ELP6: variants seen among roughly 807,000 people sequenced by gnomAD.
The protein encoded by ELP6 is elongator acetyltransferase complex subunit 6, also known as elongator complex protein 6.
ELP6 carries 23 observed loss-of-function variants against 28.1 expected under a neutral mutation model. That is an observed-to-expected ratio of 0.82 (90% CI 0.59 to 1.16). The LOEUF (loss-of-function observed/expected upper bound fraction) is 1.16, where lower values mean the gene tolerates loss of function less well. Among genes scored for constraint, ELP6 ranks in the 50% most tolerant of loss-of-function variants. ELP6 has a pLI of 0.00. For missense variants in ELP6, 313 were observed against 334.6 expected (o/e 0.94, Z 0.50); for synonymous variants, 132 against 135.8 (o/e 0.97, Z 0.19).
chr3:47,504,390 T>G lies in ELP6; in HGVS notation c.263A>C (p.Lys88Thr). 1 of 1,610,454 alleles carries G rather than the reference T, an allele frequency of 6.2e-7. No individual in the cohort carries two copies. Among genetic ancestry groups the G allele is most frequent in the Non-Finnish European group, 8.5e-7 (1 of 1,178,128 alleles). The part of the protein sequence containing the change: ...RGQLVFLEGL[K>T]SAVDVVFQAQ... ...CTGGAAGACGACGTCCACTGCAGAC[T>G]TGAGTCCCTCAAGGAACACAAGCTG... The change falls in exon 4 of 7, where the codon AAG (lysine) becomes ACG (threonine). Residue 88 changes from lysine (K) to threonine (T), a missense_variant. Transcript: ENST00000296149.
rs555351887 is a variant in ELP6 at position 47,506,247 on chromosome 3, C to T, written c.205-1799G>A. 3.9e-5 allele frequency among the ~76,000 whole-genome samples: 6 copies of T among 152,180 alleles called. No individual in the cohort carries two copies. The East Asian group carries it at 7.7e-4, about 20-fold the overall frequency. ...TATCACAAGGCAAATGGAGGCAGGG[C>T]GAGATCACAGGACTGCAGGACCGGG... is the stretch of plus-strand genomic sequence containing the variant. On this transcript the variant is annotated intron_variant, in intron 3 of 6. Transcript: ENST00000296149.
At position 47,499,815 on chromosome 3, in the gene ELP6, GT is replaced by G. The variant is rs1396645292; in HGVS notation, c.526-1384del. On this transcript the variant is annotated intron_variant, in intron 5 of 6. Coordinates refer to ENST00000296149, the MANE Select transcript of ELP6 (RefSeq NM_001031703.3). Reference sequence around the variant, plus strand: ...GTTGGGGTTCTGTCCCTGCTGGGCTGTGGCCCCAGCTGGACTGCTGCCACAG... The same window carrying G: ...GTTGGGGTTCTGTCCCTGCTGGGCTGGGCCCCAGCTGGACTGCTGCCACAG... 3 of 1,126,856 alleles carry G rather than the reference GT, an allele frequency of 2.7e-6. No homozygotes were observed. The African/African-American group carries it at 5.0e-5, about 19-fold the overall frequency. The allele number at this position is 1,126,856 out of a possible 1,614,324, so 69.8% of individuals were successfully genotyped here.
chr3:47,498,213 G>T (rs778217336), intron 6 of ELP6, 73 bp downstream of exon 6: 4 of 1,580,076 alleles, frequency 2.5e-6, no homozygotes, highest in Non-Finnish European at 3.4e-6. Flanking sequence ...CCTCAGGCCT[G>T]ACTCTCCCCT....
rs1251390128 is a variant in ELP6 at position 47,511,244 on chromosome 3, C to CTTGTA, written c.55-19_55-18insTACAA. The CTTGTA allele has an allele frequency of 6.2e-7, 1 of 1,613,036 alleles. No homozygotes were observed. Among genetic ancestry groups the CTTGTA allele is most frequent in the Non-Finnish European group, 8.5e-7 (1 of 1,179,474 alleles). On this transcript the variant is annotated intron_variant, in intron 1 of 6. Coordinates refer to ENST00000296149, the MANE Select transcript of ELP6 (RefSeq NM_001031703.3). ...AGTTTCCCCTAAAAGTTACAAGGAA[C>CTTGTA]ACAAAAAGGTTAGACTCCCTGGAAA... is the stretch of plus-strand genomic sequence containing the variant.
chr3:47,510,339 G>A, intron 2 of ELP6, 85 bp from the exon 3 acceptor site: 7 of 1,169,732 alleles, frequency 6.0e-6, no homozygotes, highest in Non-Finnish European at 8.6e-6. Flanking sequence ...AAAAAGCACT[G>A]AGGCAAATCT....
intron 4 of ELP6, among the ~76,000 whole-genome samples, chr3:47,502,070 G>C (rs1708678590): frequency 6.6e-6 from 1 of 152,152 alleles, no homozygotes; most frequent in Admixed American, 6.5e-5. Context: ...CACTGTGTTA[G>C]AAACTGGAAG....
chr3:47,500,010 T>C (rs1395040188), intron 5 of ELP6: 3 of 1,302,332 alleles, frequency 2.3e-6, no homozygotes, highest in Non-Finnish European at 2.0e-6. Context: ...CGGGTAAATA[T>C]GTGGCTAGCT....
chr3:47,497,870 G>T, intron 6 of ELP6: 1 of 765,284 alleles, frequency 1.3e-6, no homozygotes, highest in South Asian at 5.9e-5. Context: ...GGCGGAGGTT[G>T]CAGTGAGCCA....
rs1276246973 is a variant in ELP6 at position 47,513,148 on chromosome 3, G to A, written c.54+389C>T. On this transcript the variant is annotated intron_variant, in intron 1 of 6. Transcript: ENST00000296149. ...TGAGATTACAGGCATGAGCCACCACGCCCGGCTAATTTTTGTATTTTTCGT... is the reference window on the plus strand; with the variant it reads ...TGAGATTACAGGCATGAGCCACCACACCCGGCTAATTTTTGTATTTTTCGT... 2.0e-5 allele frequency: 17 copies of A among 871,014 alleles called. No individual in the cohort carries two copies. In the Admixed American group the frequency reaches 3.6e-4, roughly 18 times the overall value. 54.0% of individuals were successfully genotyped at this position (871,014 alleles called of 1,614,324 possible).
At chr3:47,503,247 G>A (rs1451301205) in intron 4 of ELP6, 1 of 1,247,488 alleles carries the variant, frequency 8.0e-7, no homozygotes, top group African/African-American at 1.5e-5. Flanking sequence ...CACTGCATAA[G>A]GGTGTGTGTG....
chr3:47,506,142 T>G (rs1332574966), intron 3 of ELP6, among the ~76,000 whole-genome samples: 1 of 152,168 alleles, frequency 6.6e-6, no homozygotes, highest in Non-Finnish European at 1.5e-5. Flanking sequence ...AGCAAGTTTT[T>G]ATTAGGGACT....
At chr3:47,513,427 C>A in intron 1 of ELP6, 110 bp downstream of exon 1, 7 of 1,522,428 alleles carry the variant, frequency 4.6e-6, no homozygotes, top group Non-Finnish European at 5.2e-6. Flanking sequence ...CCCAGGTACC[C>A]CGTGCCGGGT....
Position 47,504,332 on chromosome 3 carries a change from G to A in ELP6, c.321C>T (p.Leu107=), listed in dbSNP as rs768995902. 5.6e-6 allele frequency: 9 copies of A among 1,603,550 alleles called. No individual in the cohort carries two copies. The highest frequency in any genetic ancestry group is 7.7e-6 in the Non-Finnish European group (9 of 1,174,022). The change falls in exon 4 of 7, where the codon CTC becomes CTT. Residue 107 remains leucine (L), a splice_region_variant and synonymous_variant. Coordinates refer to ENST00000296149, the MANE Select transcript of ELP6 (RefSeq NM_001031703.3). ...GGCTGGGCTGTAGGCTGACTGACCT[G>A]AGAAACTGCAGGGGGTGTGGCTCCT... ...AQKEPHPLQF[L]REANAGNLKP...
chr3:47,501,956 TC>T, intron 4 of ELP6, 105 bp from the exon 5 acceptor site: 2 of 1,060,178 alleles, frequency 1.9e-6, no homozygotes, highest in Non-Finnish European at 2.8e-6. Context: ...AAGAACTGTA[TC>T]ACAATTCTTG....
intron 5 of ELP6, chr3:47,499,836 C>T: frequency 8.5e-7 from 1 of 1,170,720 alleles, no homozygotes; most frequent in Non-Finnish European, 1.1e-6. Flanking sequence ...TGGACTGCTG[C>T]CACAGAACTC....
At chr3:47,509,195 C>T (rs1228696994) in intron 3 of ELP6, among the ~76,000 whole-genome samples, 1 of 151,826 alleles carries the variant, frequency 6.6e-6, no homozygotes, top group Admixed American at 6.6e-5. Flanking sequence ...CTCCTGACCT[C>T]AGGTGATCTG....
Position 47,495,896 on chromosome 3 carries a change from C to A in ELP6, c.*173G>T. 1 of 1,102,528 alleles carries A rather than the reference C, an allele frequency of 9.1e-7. No individual in the cohort carries two copies. The highest frequency in any genetic ancestry group is 2.8e-5 in the East Asian group (1 of 35,616). 68.3% of individuals were successfully genotyped at this position (1,102,528 alleles called of 1,614,324 possible). ...GGTCCCTTGTGTTTTCTGAACAGGG[C>A]CCAGGGCAGCCAAGGCATGCCATCA... is the stretch of plus-strand genomic sequence containing the variant. On this transcript the variant is annotated 3_prime_UTR_variant, in exon 7 of 7. Coordinates refer to ENST00000296149, the MANE Select transcript of ELP6 (RefSeq NM_001031703.3).
At chr3:47,512,801 G>T in intron 1 of ELP6, 1 of 936,444 alleles carries the variant, frequency 1.1e-6, no homozygotes, top group Non-Finnish European at 1.3e-6. Context: ...CAATTGCTCC[G>T]GGGCGAGGTG....
intron 3 of ELP6, among the ~76,000 whole-genome samples, chr3:47,509,793 C>G (rs575766774): frequency 6.7e-6 from 1 of 148,176 alleles, no homozygotes; most frequent in Non-Finnish European, 1.5e-5. Context: ...TTTTTTGAGA[C>G]AGAGTCTTGT....
Sources: allele counts gnomAD v4.1 joint callset (sites outside exome capture counted in the v4.1 genomes callset), GRCh38; gene constraint gnomAD v4.1.1; transcripts MANE v1.5; gene names NCBI Gene and HGNC (gene_info 2026-07-23, HGNC 2026-07-21).